SYTL5: variants seen among roughly 807,000 people sequenced by gnomAD.
The protein encoded by SYTL5 is synaptotagmin like 5.
A neutral mutation model predicts 55.9 loss-of-function variants in SYTL5; 34 were observed. That is an observed-to-expected ratio of 0.61 (90% CI 0.46 to 0.81). The LOEUF (loss-of-function observed/expected upper bound fraction) is 0.81. SYTL5 is among the 30% of genes least tolerant of loss of function. The pLI, the probability that SYTL5 is intolerant of heterozygous loss-of-function variation, is 0.00. For missense variants in SYTL5, 637 were observed against 546.7 expected, an observed-to-expected ratio of 1.17 and a Z score of -1.65; for synonymous variants, 221 against 188.7, an observed-to-expected ratio of 1.17 and a Z score of -1.40.
the SYTL5 span, among the ~76,000 whole-genome samples, chrX:37,899,649 CATTTA>C: frequency 8.9e-6 from 1 of 111,976 alleles, no homozygotes; most frequent in Non-Finnish European, 1.9e-5. Context: ...TTTCATTTGC[CATTTA>C]ATTATGTGCT....
intron 2 of SYTL5, 37 bp from the exon 3 acceptor site, chrX:38,054,176 G>GT (rs779804254): frequency 2.8e-6 from 3 of 1,056,476 alleles, no homozygotes; most frequent in Middle Eastern, 5.0e-4. Flanking sequence ...GCTCCTGTTT[G>GT]TTTTTTTAAG....
chrX:37,902,723 C>G, the SYTL5 span, among the ~76,000 whole-genome samples: 2 of 111,557 alleles, frequency 1.8e-5, no homozygotes. Flanking sequence ...GCACATGACC[C>G]AGGCCAGCCA....
intron 16 of SYTL5, among the ~76,000 whole-genome samples, chrX:38,125,824 G>C (rs1379881409): frequency 2.7e-5 from 3 of 111,645 alleles, no homozygotes; most frequent in African/African-American, 9.8e-5. Context: ...TTTGCTCAGG[G>C]GATGATTACC....
At chrX:37,977,566 G>A in the SYTL5 span, among the ~76,000 whole-genome samples, 1 of 109,772 alleles carries the variant, frequency 9.1e-6, no homozygotes, top group Non-Finnish European at 1.9e-5. Context: ...ATGGTGAAGA[G>A]TCATATGAGA....
chrX:38,080,909 C>G (rs922479919), intron 6 of SYTL5, among the ~76,000 whole-genome samples: 10 of 111,728 alleles, frequency 9.0e-5, no homozygotes, highest in Non-Finnish European at 1.7e-4. Context: ...ACCACATCCA[C>G]AAAGTCAACA....
intron 3 of SYTL5, among the ~76,000 whole-genome samples, chrX:38,067,998 A>G (rs1000987880): frequency 1.8e-5 from 2 of 112,143 alleles, no homozygotes; most frequent in Admixed American, 9.5e-5. Context: ...CAAACAGACA[A>G]CCCACAGAAT....
chrX:38,083,953 T>C (rs187275857), intron 6 of SYTL5, among the ~76,000 whole-genome samples: 46 of 110,232 alleles, frequency 4.2e-4, no homozygotes, highest in Non-Finnish European at 3.0e-4. Flanking sequence ...TCTGACCTTC[T>C]GCTGTCCTTC....
intron 15 of SYTL5, 74 bp from the exon 16 acceptor site, chrX:38,125,224 C>A: frequency 1.1e-6 from 1 of 895,995 alleles, no homozygotes; most frequent in Non-Finnish European, 1.6e-6. Flanking sequence ...CAAATAGACA[C>A]ATCACACTTG....
At chrX:37,923,295 T>C in the SYTL5 span, among the ~76,000 whole-genome samples, 2 of 112,116 alleles carry the variant, frequency 1.8e-5, no homozygotes, top group Non-Finnish European at 3.8e-5. Context: ...TTCTACAGAA[T>C]CTGTTCATGG....
At chrX:37,988,733 G>C in the SYTL5 span, among the ~76,000 whole-genome samples, 1 of 112,114 alleles carries the variant, frequency 8.9e-6, no homozygotes, top group East Asian at 2.8e-4. Context: ...AATGTCAAAG[G>C]TGTTGCTGGT....
chrX:37,897,313 T>C, the SYTL5 span, among the ~76,000 whole-genome samples: 1 of 109,555 alleles, frequency 9.1e-6, no homozygotes, highest in Non-Finnish European at 1.9e-5. Flanking sequence ...CGAAACCCCA[T>C]CTCTACTAAA....
the SYTL5 span, among the ~76,000 whole-genome samples, chrX:37,933,993 C>T: frequency 9.0e-6 from 1 of 111,382 alleles, no homozygotes; most frequent in African/African-American, 3.3e-5. Flanking sequence ...TAATCATTAG[C>T]TAACAGAGTA....
chrX:37,949,121 A>G, the SYTL5 span: 1 of 111,614 alleles, frequency 9.0e-6, no homozygotes, highest in African/African-American at 3.3e-5. Flanking sequence ...TCCCCTGCCA[A>G]TGAGATATAA....
rs559305696 is a variant in SYTL5, at chrX:38,099,998, A to G, written c.1063-2344A>G. 1.2e-4 allele frequency among the ~76,000 whole-genome samples: 13 copies of G among 111,226 alleles called. No homozygotes were observed. The South Asian group carries it at 4.2e-3, about 36-fold the overall frequency. Reference sequence around the variant, plus strand: ...CATTTTGATGAGGACTTTTGCATCTATGGTTTATCATGGATATTGGCCTGC... The same window carrying G: ...CATTTTGATGAGGACTTTTGCATCTGTGGTTTATCATGGATATTGGCCTGC... On this transcript the variant is annotated intron_variant, in intron 9 of 16. Transcript: ENST00000297875.
At chrX:37,890,510 C>T in the SYTL5 span, among the ~76,000 whole-genome samples, 1 of 111,688 alleles carries the variant, frequency 9.0e-6, no homozygotes, top group South Asian at 3.8e-4. Context: ...ATAAAAACTC[C>T]CTTCTCTCCT....
At chrX:37,900,725 G>A in the SYTL5 span, among the ~76,000 whole-genome samples, 1 of 111,653 alleles carries the variant, frequency 9.0e-6, no homozygotes, top group African/African-American at 3.3e-5. Flanking sequence ...AAGCTCCAGG[G>A]ATAATTCTGA....
chrX:37,931,737 T>G, the SYTL5 span, among the ~76,000 whole-genome samples: 1 of 112,000 alleles, frequency 8.9e-6, no homozygotes, highest in African/African-American at 3.2e-5. Flanking sequence ...TTGAAATACT[T>G]AAAGAGAAAT....
the SYTL5 span, among the ~76,000 whole-genome samples, chrX:37,947,472 C>T: frequency 1.8e-5 from 2 of 111,740 alleles, no homozygotes; most frequent in Admixed American, 1.9e-4. Context: ...ACATGCCTTG[C>T]TTCCCCTTCA....
the SYTL5 span, chrX:37,990,734 T>A: frequency 9.3e-7 from 1 of 1,070,810 alleles, no homozygotes; most frequent in Admixed American, 3.7e-5. Context: ...AATAAGGGCC[T>A]GGAGCAGAGG....
Sources: allele counts gnomAD v4.1 joint callset (sites outside exome capture counted in the v4.1 genomes callset), GRCh38; gene constraint gnomAD v4.1.1; transcripts MANE v1.5; gene names NCBI Gene and HGNC (gene_info 2026-07-23, HGNC 2026-07-21).